The following SMYD3 variants were observed in gnomAD, a reference collection of about 807,000 sequenced individuals.
SMYD3 encodes the protein SET and MYND domain containing 3.
In SMYD3, 36 loss-of-function variants were observed where a neutral mutation model predicts 57.7. The ratio of observed to expected loss-of-function variants is 0.62; its 90% CI spans 0.48 to 0.82. The LOEUF is 0.82. SMYD3 is among the 40% of genes least tolerant of loss of function. The pLI is 0.00. For missense variants in SMYD3, 515 were observed against 538.8 expected (o/e 0.96, Z 0.44); for synonymous variants, 211 against 195.0 (o/e 1.08, Z -0.68).
intron 1 of SMYD3, 63 bp downstream of exon 1, chr1:246,506,991 C>CCCCCCCCA: frequency 1.2e-6 from 1 of 815,394 alleles, no homozygotes; most frequent in Non-Finnish European, 1.7e-6. Flanking sequence ...CGCCCGACGC[C>CCCCCCCCA]CCCCCCTCCC....
chr1:246,244,267 C>T (rs1202044761), intron 5 of SMYD3, among the ~76,000 whole-genome samples: 1 of 151,970 alleles, frequency 6.6e-6, no homozygotes, highest in Non-Finnish European at 1.5e-5. Context: ...TACTTTTCAC[C>T]TTTTTGAGTG....
rs1024187224 is a variant in SMYD3, at chr1:246,381,448, A to C, written c.165-26354T>G. 4.5e-4 allele frequency among the ~76,000 whole-genome samples: 69 copies of C among 152,226 alleles called. 4 individuals are homozygous for C. ...ACTACCTGGTGAGAAACAGAGGCGA[A>C]CAGAGACCAAGTTTATCGATGCTTT... On this transcript the variant is annotated intron_variant, in intron 1 of 11. Coordinates refer to ENST00000490107, the MANE Select transcript of SMYD3 (RefSeq NM_001167740.2).
At chr1:246,074,736 G>A (rs2060517436) in intron 5 of SMYD3, among the ~76,000 whole-genome samples, 1 of 152,194 alleles carries the variant, frequency 6.6e-6, no homozygotes, top group Non-Finnish European at 1.5e-5. Flanking sequence ...GAGGGCCAGA[G>A]TCTAGTGCAT....
chr1:246,148,261 C>T (rs927266425), intron 5 of SMYD3, among the ~76,000 whole-genome samples: 13 of 152,106 alleles, frequency 8.5e-5, no homozygotes, highest in Admixed American at 2.6e-4. Flanking sequence ...AGACAATGGG[C>T]GAACCAGCTA....
intron 5 of SMYD3, among the ~76,000 whole-genome samples, chr1:246,097,620 C>T (rs935999767): frequency 6.6e-6 from 1 of 152,090 alleles, no homozygotes; most frequent in African/African-American, 2.4e-5. Flanking sequence ...TTCCAACCCC[C>T]ACAATCCCAC....
At chr1:245,815,829 TTTCACAGCC>T (rs1264728066) in intron 10 of SMYD3, among the ~76,000 whole-genome samples, 2 of 152,342 alleles carry the variant, frequency 1.3e-5, no homozygotes, top group Middle Eastern at 3.4e-3. Flanking sequence ...CTTTGAAGTG[TTTCACAGCC>T]TTCACAGCCT....
chr1:246,291,899 A>G (rs1188451452), intron 5 of SMYD3, among the ~76,000 whole-genome samples: 1 of 151,900 alleles, frequency 6.6e-6, no homozygotes, highest in Non-Finnish European at 1.5e-5. Flanking sequence ...ACTATCCAAC[A>G]CACCAGCATC....
intron 10 of SMYD3, among the ~76,000 whole-genome samples, chr1:245,839,487 C>T (rs1345765541): frequency 1.3e-5 from 2 of 152,126 alleles, no homozygotes; most frequent in Non-Finnish European, 2.9e-5. Flanking sequence ...CCTTTCTAAC[C>T]TTTATTTTCA....
At chr1:246,158,679 TACAG>T (rs1481296031) in intron 5 of SMYD3, among the ~76,000 whole-genome samples, 2 of 152,166 alleles carry the variant, frequency 1.3e-5, no homozygotes, top group Non-Finnish European at 2.9e-5. Flanking sequence ...CACATAAATA[TACAG>T]ACAAACCAGA....
chr1:245,860,408 C>A (rs2148483938), intron 9 of SMYD3, among the ~76,000 whole-genome samples: 1 of 152,310 alleles, frequency 6.6e-6, no homozygotes, highest in South Asian at 2.1e-4. Context: ...TTCTAATAAA[C>A]CAATCAAGCC....
At chr1:245,767,038 G>A (rs1352420936) in intron 10 of SMYD3, among the ~76,000 whole-genome samples, 1 of 152,154 alleles carries the variant, frequency 6.6e-6, no homozygotes, top group East Asian at 1.9e-4. Context: ...ATTCCTTGCT[G>A]GAGTATAACT....
chr1:245,792,439 T>C (rs2047317008), intron 10 of SMYD3, among the ~76,000 whole-genome samples: 1 of 152,222 alleles, frequency 6.6e-6, no homozygotes, highest in Non-Finnish European at 1.5e-5. Context: ...TAAATTACCA[T>C]GCCTAATTCT....
intron 11 of SMYD3, among the ~76,000 whole-genome samples, chr1:245,763,233 A>C (rs1175363399): frequency 6.6e-6 from 1 of 152,184 alleles, no homozygotes; most frequent in Non-Finnish European, 1.5e-5. Flanking sequence ...CTCAATAATG[A>C]ATACTTCCTA....
At chr1:246,153,125 G>A (rs991909313) in intron 5 of SMYD3, among the ~76,000 whole-genome samples, 9 of 152,204 alleles carry the variant, frequency 5.9e-5, no homozygotes, top group South Asian at 4.2e-4. Flanking sequence ...AAGCCTCTGC[G>A]TGTGTGCGTC....
rs773987993 is a variant in SMYD3, at chr1:245,749,512, A to G, written c.*51T>C. ...ACAAAGCATAGAGTGTGTGACCTCA[A>G]TAAGGCATTCAACAAAGACACACGC... On this transcript the variant is annotated 3_prime_UTR_variant, in exon 12 of 12. Transcript: ENST00000490107. 17 of 1,391,048 alleles carry G rather than the reference A, an allele frequency of 1.2e-5. No homozygotes were observed. The South Asian group carries it at 2.0e-4, about 16-fold the overall frequency. 86.2% of individuals were successfully genotyped at this position (1,391,048 alleles called of 1,614,324 possible).
At chr1:245,953,937 A>C (rs967651933) in intron 5 of SMYD3, among the ~76,000 whole-genome samples, 1 of 152,236 alleles carries the variant, frequency 6.6e-6, no homozygotes, top group African/African-American at 2.4e-5. Flanking sequence ...GATTTTCAAC[A>C]ATGATTATTT....
intron 1 of SMYD3, among the ~76,000 whole-genome samples, chr1:246,440,789 TC>T (rs1229564310): frequency 6.6e-6 from 1 of 152,114 alleles, no homozygotes; most frequent in Non-Finnish European, 1.5e-5. Flanking sequence ...GTTCACAAAA[TC>T]CCTTTCCTAA....
intron 5 of SMYD3, among the ~76,000 whole-genome samples, chr1:246,036,720 A>ATTTT (rs546300378): frequency 2.7e-5 from 3 of 110,502 alleles, no homozygotes; most frequent in East Asian, 3.9e-4. Context: ...AGCCCGGCTA[A>ATTTT]TTTTTTTTTT....
intron 5 of SMYD3, among the ~76,000 whole-genome samples, chr1:246,054,231 C>T (rs12239352): frequency 9.9e-5 from 15 of 152,106 alleles, no homozygotes; most frequent in African/African-American, 1.9e-4. Flanking sequence ...CCACCGAGCA[C>T]GTATTAGAAT....
Sources: allele counts gnomAD v4.1 joint callset (sites outside exome capture counted in the v4.1 genomes callset), GRCh38; gene constraint gnomAD v4.1.1; transcripts MANE v1.5; gene names NCBI Gene and HGNC (gene_info 2026-07-23, HGNC 2026-07-21).